Variants in KIAA1671 observed in about 807,000 individuals in gnomAD.
The protein encoded by KIAA1671 is KIAA1671, also known as uncharacterized protein KIAA1671.
In KIAA1671, 52 loss-of-function variants were observed where a neutral mutation model predicts 131.2. The observed-to-expected ratio is 0.40, with a 90% CI of 0.32 to 0.50. The LOEUF (loss-of-function observed/expected upper bound fraction) is 0.50, where lower values mean the gene tolerates loss of function less well. Among genes scored for constraint, KIAA1671 ranks in the 20% least tolerant of loss-of-function variants. The probability of loss-of-function intolerance (pLI) is 0.73; values close to 1 mark genes in which losing one functional copy is unlikely to be tolerated. For missense variants in KIAA1671, 2,360 were observed against 2,364.2 expected, an observed-to-expected ratio of 1.00 and a Z score of 0.04; for synonymous variants, 1,003 against 961.6, an observed-to-expected ratio of 1.04 and a Z score of -0.80.
At chr22:24,980,795 G>A (rs1923190669) in intron 1 of KIAA1671, among the ~76,000 whole-genome samples, 1 of 150,876 alleles carries the variant, frequency 6.6e-6, no homozygotes, top group Non-Finnish European at 1.5e-5. Flanking sequence ...CACCCAGGCT[G>A]AAGTGCAGTG....
chr22:25,034,616 C>CA (rs1926488155), intron 4 of KIAA1671, among the ~76,000 whole-genome samples: 1 of 152,130 alleles, frequency 6.6e-6, no homozygotes, highest in Non-Finnish European at 1.5e-5. Context: ...TTTTGATGGA[C>CA]AATTGGGTTG....
chr22:24,972,587 T>C (rs1389351654), intron 1 of KIAA1671, among the ~76,000 whole-genome samples: 1 of 152,176 alleles, frequency 6.6e-6, no homozygotes, highest in Non-Finnish European at 1.5e-5. Flanking sequence ...CTTTCTTCCT[T>C]CTTTCCATCT....
At chr22:24,983,023 A>G (rs892174703) in intron 1 of KIAA1671, among the ~76,000 whole-genome samples, 1 of 152,126 alleles carries the variant, frequency 6.6e-6, no homozygotes, top group Non-Finnish European at 1.5e-5. Flanking sequence ...GCTGTGGGCC[A>G]GGCTCTGTGC....
At chr22:24,966,719 G>A (rs757247223) in intron 1 of KIAA1671, among the ~76,000 whole-genome samples, 40 of 152,152 alleles carry the variant, frequency 2.6e-4, no homozygotes, top group Non-Finnish European at 1.6e-4. Context: ...TTGGGAGGCC[G>A]AGGTGGAAGG....
chr22:24,962,456 G>C (rs1186486975), intron 1 of KIAA1671, among the ~76,000 whole-genome samples: 1 of 152,158 alleles, frequency 6.6e-6, no homozygotes, highest in African/African-American at 2.4e-5. Context: ...ATTCCCTTGG[G>C]AATATTGCAG....
chr22:25,093,737 A>ACACACTCTCT (rs1568950992), intron 6 of KIAA1671, among the ~76,000 whole-genome samples: 10 of 30,150 alleles, frequency 3.3e-4, no homozygotes, highest in South Asian at 1.3e-3. Context: ...ACACACACAC[A>ACACACTCTCT]CTCTCTCTCT....
At chr22:25,042,734 A>T (rs1927011414) in intron 5 of KIAA1671, among the ~76,000 whole-genome samples, 2 of 151,648 alleles carry the variant, frequency 1.3e-5, no homozygotes, top group Non-Finnish European at 2.9e-5. Context: ...TGACCTCCCA[A>T]AGTGCTGGGA....
intron 6 of KIAA1671, among the ~76,000 whole-genome samples, chr22:25,076,678 C>T (rs1335006250): frequency 6.6e-6 from 1 of 152,224 alleles, no homozygotes; most frequent in East Asian, 1.9e-4. Flanking sequence ...GCCAGACGGT[C>T]CCAAGGCCTG....
chr22:25,126,510 A>G (rs974559233), intron 6 of KIAA1671, among the ~76,000 whole-genome samples: 31 of 152,248 alleles, frequency 2.0e-4, no homozygotes, highest in Non-Finnish European at 8.8e-5. Context: ...TTCATTATCC[A>G]TAAATGTTTT....
intron 6 of KIAA1671, among the ~76,000 whole-genome samples, chr22:25,103,412 G>A (rs1336239777): frequency 6.6e-6 from 1 of 152,118 alleles, no homozygotes; most frequent in African/African-American, 2.4e-5. Flanking sequence ...AGGCTGGAGG[G>A]CAGTCGTGTG....
intron 5 of KIAA1671, among the ~76,000 whole-genome samples, chr22:25,048,726 A>G (rs895848740): frequency 3.3e-5 from 5 of 152,228 alleles, no homozygotes; most frequent in African/African-American, 1.2e-4. Context: ...GTGTCTATGC[A>G]TGTGTGTTTG....
At chr22:25,001,388 TC>T (rs1924474439) in intron 1 of KIAA1671, among the ~76,000 whole-genome samples, 1 of 152,326 alleles carries the variant, frequency 6.6e-6, no homozygotes, top group African/African-American at 2.4e-5. Context: ...ATCAATCTAT[TC>T]CATGTTTTCC....
chr22:25,030,942 C>T (rs927271728), intron 3 of KIAA1671, among the ~76,000 whole-genome samples: 5 of 152,332 alleles, frequency 3.3e-5, no homozygotes, highest in South Asian at 4.1e-4. Flanking sequence ...TTAGAATAAC[C>T]GGAAAAAATA....
chr22:25,155,033 C>T (rs1045596400), intron 6 of KIAA1671, among the ~76,000 whole-genome samples: 3 of 152,248 alleles, frequency 2.0e-5, no homozygotes, highest in Non-Finnish European at 4.4e-5. Context: ...CGCCCTCTCC[C>T]CCACTCTGTC....
At chr22:25,120,919 A>G (rs1038352756) in intron 6 of KIAA1671, among the ~76,000 whole-genome samples, 1 of 152,150 alleles carries the variant, frequency 6.6e-6, no homozygotes, top group Non-Finnish European at 1.5e-5. Context: ...CGGGGCCTGC[A>G]TGTGTACTTC....
chr22:25,076,051 C>T (rs998769542), intron 6 of KIAA1671, among the ~76,000 whole-genome samples: 3 of 141,226 alleles, frequency 2.1e-5, no homozygotes, highest in Non-Finnish European at 4.6e-5. Flanking sequence ...GCTGGGATTA[C>T]AGGCGTGAGC....
chr22:25,093,814 C>CTCTT (rs1930234472), intron 6 of KIAA1671, among the ~76,000 whole-genome samples: 1 of 121,254 alleles, frequency 8.2e-6, no homozygotes, highest in African/African-American at 3.2e-5. Context: ...CTCTCTCTGT[C>CTCTT]TCTCTCTCTT....
chr22:25,173,976 G>A (rs967078889), intron 7 of KIAA1671, among the ~76,000 whole-genome samples: 14 of 152,172 alleles, frequency 9.2e-5, no homozygotes, highest in African/African-American at 1.2e-4. Context: ...GGACAGCGCA[G>A]GGCCAAAGGA....
chr22:25,167,899 CCTGTTCTAGGAG>C (rs1933699481), intron 6 of KIAA1671, among the ~76,000 whole-genome samples: 1 of 152,086 alleles, frequency 6.6e-6, no homozygotes, highest in Non-Finnish European at 1.5e-5. Flanking sequence ...AGTGCTGGGC[CCTGTTCTAGGAG>C]CTGTCAAGTT....
Sources: allele counts gnomAD v4.1 joint callset (sites outside exome capture counted in the v4.1 genomes callset), GRCh38; gene constraint gnomAD v4.1.1; transcripts MANE v1.5; gene names NCBI Gene and HGNC (gene_info 2026-07-23, HGNC 2026-07-21).